STAP1: variants seen among roughly 807,000 people sequenced by gnomAD.
The protein encoded by STAP1 is signal transducing adaptor family member 1.
STAP1 carries 30 observed loss-of-function variants against 37.8 expected under a neutral mutation model. That is an observed-to-expected ratio of 0.79 (90% CI 0.59 to 1.08). STAP1 has a LOEUF of 1.08. STAP1 is among the 50% of genes least tolerant of loss of function. The probability of loss-of-function intolerance (pLI) is 0.00; values close to 1 mark genes in which losing one functional copy is unlikely to be tolerated. For synonymous variants in STAP1, 130 were observed against 116.0 expected, an observed-to-expected ratio of 1.12 and a Z score of -0.78; for missense variants, 357 against 349.4, an observed-to-expected ratio of 1.02 and a Z score of -0.17.
intron 8 of STAP1, 33 bp from the exon 9 acceptor site, chr4:67,606,263 C>A: frequency 6.3e-7 from 1 of 1,575,470 alleles, no homozygotes; most frequent in Admixed American, 1.8e-5. Context: ...AATATTGGTT[C>A]GCTAATTAAG....
chr4:67,601,415 A>G (rs1172948743), intron 8 of STAP1, among the ~76,000 whole-genome samples: 1 of 152,174 alleles, frequency 6.6e-6, no homozygotes, highest in African/African-American at 2.4e-5. Context: ...GTGTTATAAT[A>G]TTCTGTTTTG....
intron 1 of STAP1, among the ~76,000 whole-genome samples, chr4:67,562,488 G>A (rs150003580): frequency 1.1e-3 from 161 of 152,068 alleles, no homozygotes; most frequent in Non-Finnish European, 2.0e-3. Context: ...TAATTCAGCC[G>A]GGCGTGGTGG....
chr4:67,586,471 C>CA (rs1473020933), intron 6 of STAP1, among the ~76,000 whole-genome samples: 1 of 151,988 alleles, frequency 6.6e-6, no homozygotes, highest in Non-Finnish European at 1.5e-5. Context: ...ACAAAACAAA[C>CA]AAACAAAAAA....
At chr4:67,592,251 C>G (rs1328607010) in intron 7 of STAP1, among the ~76,000 whole-genome samples, 1 of 152,148 alleles carries the variant, frequency 6.6e-6, no homozygotes, top group Non-Finnish European at 1.5e-5. Context: ...ACTTCAGCCT[C>G]CCGAGTAGCG....
intron 8 of STAP1, among the ~76,000 whole-genome samples, chr4:67,597,984 C>T (rs533346331): frequency 4.4e-4 from 67 of 152,104 alleles, no homozygotes; most frequent in African/African-American, 1.2e-3. Context: ...AAATGTGAAA[C>T]GGATATGAGA....
chr4:67,576,649 A>G (rs1461205328), intron 3 of STAP1, among the ~76,000 whole-genome samples: 1 of 152,152 alleles, frequency 6.6e-6, no homozygotes, highest in African/African-American at 2.4e-5. Context: ...TGACACCACC[A>G]CAACAGGCTA....
chr4:67,605,773 A>G (rs1041501205), intron 8 of STAP1, among the ~76,000 whole-genome samples: 2 of 152,224 alleles, frequency 1.3e-5, no homozygotes, highest in African/African-American at 4.8e-5. Context: ...TGCTTCAGGA[A>G]TTTGGACTCA....
chr4:67,579,274 T>G (rs2109863390), intron 4 of STAP1, among the ~76,000 whole-genome samples: 1 of 152,320 alleles, frequency 6.6e-6, no homozygotes, highest in South Asian at 2.1e-4. Flanking sequence ...TTAGGATGAC[T>G]TTAGTAGAGA....
chr4:67,590,185 G>A (rs1236031575), intron 6 of STAP1, among the ~76,000 whole-genome samples: 2 of 152,146 alleles, frequency 1.3e-5, no homozygotes. Context: ...AATAGGATAT[G>A]CCTCTTGTTC....
chr4:67,591,029 GC>G (rs1728109618), intron 7 of STAP1, 76 bp downstream of exon 7: 7 of 1,121,520 alleles, frequency 6.2e-6, no homozygotes, highest in Non-Finnish European at 9.1e-6. Flanking sequence ...GCAAAAAGCA[GC>G]CAAGTTAAGG....
intron 6 of STAP1, 103 bp downstream of exon 6, chr4:67,583,805 A>G: frequency 1.4e-6 from 2 of 1,407,374 alleles, no homozygotes; most frequent in South Asian, 1.4e-5. Context: ...GGCTGAAAAT[A>G]TGAACACAAG....
At chr4:67,598,944 A>G (rs919945512) in intron 8 of STAP1, among the ~76,000 whole-genome samples, 3 of 152,196 alleles carry the variant, frequency 2.0e-5, no homozygotes, top group African/African-American at 7.2e-5. Context: ...AATTTTATCA[A>G]ATGCTTTTTC....
chr4:67,599,635 T>C (rs928991530), intron 8 of STAP1, among the ~76,000 whole-genome samples: 1 of 151,756 alleles, frequency 6.6e-6, no homozygotes, highest in Non-Finnish European at 1.5e-5. Flanking sequence ...TTTTCTTTTT[T>C]CTTTTTCTTT....
At chr4:67,574,268 T>C (rs1365371070) in intron 2 of STAP1, among the ~76,000 whole-genome samples, 1 of 152,124 alleles carries the variant, frequency 6.6e-6, no homozygotes, top group Non-Finnish European at 1.5e-5. Flanking sequence ...CTTGCATTGG[T>C]AACCAACTGT....
chr4:67,572,389 T>A (rs1727624054), intron 2 of STAP1, among the ~76,000 whole-genome samples: 1 of 152,112 alleles, frequency 6.6e-6, no homozygotes, highest in African/African-American at 2.4e-5. Context: ...TAGTGTGAAT[T>A]GTATGGAGAT....
Position 67,583,586 on chromosome 4 carries a change from A to G in STAP1, c.543A>G (p.Thr181=), listed in dbSNP as rs763804899. 6 of 1,611,824 alleles carry G rather than the reference A, an allele frequency of 3.7e-6. No homozygotes were observed. The South Asian group carries it at 6.6e-5, about 18-fold the overall frequency. ...VLNPMPACFY[T]VSRKEATEML... ...CTCACCTCTGTAGATGTTTTTATAC[A>G]GTGTCCCGGAAAGAGGCAACTGAGA... Residue 181 remains threonine, a synonymous_variant, in exon 6 of 9, where the codon ACA becomes ACG. Transcript: ENST00000265404.
chr4:67,577,075 C>A, intron 3 of STAP1, 128 bp from the exon 4 acceptor site: 1 of 666,306 alleles, frequency 1.5e-6, no homozygotes, highest in Non-Finnish European at 2.4e-6. Flanking sequence ...AAAAAATACA[C>A]ATTAGTAGTT....
chr4:67,595,339 C>T (rs1728200255), intron 8 of STAP1, among the ~76,000 whole-genome samples: 1 of 129,394 alleles, frequency 7.7e-6, no homozygotes, highest in Admixed American at 8.9e-5. Flanking sequence ...ACTTTGAGAG[C>T]ATCCTGGGCA....
intron 6 of STAP1, among the ~76,000 whole-genome samples, chr4:67,589,802 G>C (rs563950798): frequency 6.9e-6 from 1 of 144,832 alleles, no homozygotes; most frequent in African/African-American, 2.5e-5. Flanking sequence ...TGAGGTGGGG[G>C]ATCCTAATTT....
Sources: gnomAD v4.1 joint callset for allele counts (sites outside exome capture counted in the v4.1 genomes callset) on GRCh38, gnomAD v4.1.1 for gene constraint, MANE v1.5 for transcripts, NCBI Gene and HGNC (gene_info 2026-07-23, HGNC 2026-07-21) for gene names.